RBFOX1: variants seen among roughly 807,000 people sequenced by gnomAD.
The protein encoded by RBFOX1 is RNA binding protein fox-1 homolog 1.
RBFOX1 carries 8 observed loss-of-function variants against 57.7 expected under a neutral mutation model. That is an observed-to-expected ratio of 0.14 (90% CI 0.08 to 0.25). RBFOX1 has a LOEUF of 0.25. RBFOX1 is among the 10% of genes least tolerant of loss of function. The pLI, the probability that RBFOX1 is intolerant of heterozygous loss-of-function variation, is 1.00. For synonymous variants in RBFOX1, 326 were observed against 222.4 expected, an observed-to-expected ratio of 1.47 and a Z score of -4.15; for missense variants, 611 against 548.5, an observed-to-expected ratio of 1.11 and a Z score of -1.14.
At chr16:7,020,399 T>G (rs750194194) in intron 3 of RBFOX1, among the ~76,000 whole-genome samples, 7 of 152,024 alleles carry the variant, frequency 4.6e-5, no homozygotes, top group Admixed American at 2.6e-4. Context: ...TTTTGTAGTT[T>G]TAGTAGAGAT....
At chr16:5,987,382 G>T (rs923108076) in intron 4 of RBFOX1, among the ~76,000 whole-genome samples, 2 of 152,160 alleles carry the variant, frequency 1.3e-5, no homozygotes, top group Admixed American at 6.5e-5. Flanking sequence ...AAGGTTTTTA[G>T]TCTTGATGAA....
Position 6,127,501 on chromosome 16 carries a change from C to G in RBFOX1, c.-127+107509C>G, listed in dbSNP as rs533303770. Among the ~76,000 whole-genome samples, 10 of 152,252 alleles carry G rather than the reference C, an allele frequency of 6.6e-5. No individual in the cohort carries two copies. The South Asian group carries it at 1.9e-3, about 28-fold the overall frequency. On this transcript the variant is annotated intron_variant, in intron 1 of 15. Coordinates refer to ENST00000550418, the MANE Select transcript of RBFOX1 (RefSeq NM_018723.4). ...GATGTGTCTGTGGGCCTTAGAAACA[C>G]GTAGCTTTGAATTCCGAAAGTGAGA...
chr16:7,263,881 C>G (rs1240707748), intron 4 of RBFOX1, among the ~76,000 whole-genome samples: 1 of 132,592 alleles, frequency 7.5e-6, no homozygotes, highest in Non-Finnish European at 1.6e-5. Context: ...GCCTGGGCAA[C>G]AAGAGCAAAA....
intron 2 of RBFOX1, among the ~76,000 whole-genome samples, chr16:5,518,236 A>G (rs903509013): frequency 3.3e-5 from 5 of 152,192 alleles, no homozygotes; most frequent in Admixed American, 2.6e-4. Context: ...ATCACTTCTC[A>G]TAAAGTGCAT....
chr16:5,581,821 C>T (rs1243562147), intron 2 of RBFOX1, among the ~76,000 whole-genome samples: 1 of 151,890 alleles, frequency 6.6e-6, no homozygotes, highest in Non-Finnish European at 1.5e-5. Flanking sequence ...GCAAGGTGGG[C>T]CCAGGTAAGG....
At chr16:5,740,217 G>T (rs921306307) in intron 3 of RBFOX1, among the ~76,000 whole-genome samples, 4 of 152,082 alleles carry the variant, frequency 2.6e-5, no homozygotes, top group Non-Finnish European at 5.9e-5. Flanking sequence ...AGTTGGGGCC[G>T]GTGTTAACAT....
chr16:6,115,459 G>C (rs2096487928), intron 1 of RBFOX1, among the ~76,000 whole-genome samples: 1 of 152,168 alleles, frequency 6.6e-6, no homozygotes, highest in Admixed American at 6.5e-5. Context: ...TGTCTTAACA[G>C]AGTAGCCCTT....
intron 3 of RBFOX1, among the ~76,000 whole-genome samples, chr16:6,964,465 G>C (rs770718552): frequency 1.3e-5 from 2 of 152,116 alleles, no homozygotes; most frequent in Admixed American, 6.6e-5. Flanking sequence ...TGATTGTGAT[G>C]TGTCAGTGTA....
chr16:6,886,111 G>C (rs1252166532), intron 3 of RBFOX1, among the ~76,000 whole-genome samples: 3 of 150,154 alleles, frequency 2.0e-5, no homozygotes, highest in African/African-American at 2.5e-5. Context: ...CACCAGGCTG[G>C]AGTGCAGTGA....
chr16:5,248,553 T>A (rs2062362159), intron 1 of RBFOX1, among the ~76,000 whole-genome samples: 2 of 152,040 alleles, frequency 1.3e-5, no homozygotes, highest in Admixed American at 1.3e-4. Context: ...CCTCTAGACC[T>A]CACCAGCTGA....
At chr16:5,679,123 A>T (rs1303814898) in intron 3 of RBFOX1, among the ~76,000 whole-genome samples, 1 of 152,200 alleles carries the variant, frequency 6.6e-6, no homozygotes, top group Non-Finnish European at 1.5e-5. Flanking sequence ...TGTTCAGCTA[A>T]TTGGCAAAGA....
intron 1 of RBFOX1, among the ~76,000 whole-genome samples, chr16:6,233,110 TAGAG>T (rs2097477813): frequency 6.6e-6 from 1 of 152,030 alleles, no homozygotes; most frequent in South Asian, 2.1e-4. Context: ...CTGGGTGAGA[TAGAG>T]AGAGATGAGG....
At chr16:7,147,342 T>G (rs531495277) in intron 4 of RBFOX1, among the ~76,000 whole-genome samples, 2 of 151,722 alleles carry the variant, frequency 1.3e-5, no homozygotes, top group Non-Finnish European at 2.9e-5. Flanking sequence ...ATTTTAGGTT[T>G]GAGTGGACAT....
At chr16:5,742,633 T>C (rs2052816355) in intron 3 of RBFOX1, among the ~76,000 whole-genome samples, 1 of 152,166 alleles carries the variant, frequency 6.6e-6, no homozygotes, top group Non-Finnish European at 1.5e-5. Flanking sequence ...TAGAAAGCTT[T>C]AGGCAATTAA....
intron 3 of RBFOX1, among the ~76,000 whole-genome samples, chr16:5,824,454 A>G (rs1036848761): frequency 7.2e-5 from 11 of 152,306 alleles, no homozygotes; most frequent in Admixed American, 7.2e-4. Context: ...GTCTCAGAAA[A>G]GCCAGGGCAC....
Position 5,733,818 on chromosome 16 carries a change from C to T in RBFOX1, c.319-133485C>T, listed in dbSNP as rs73523913. 4.7e-3 allele frequency among the ~76,000 whole-genome samples: 712 copies of T among 151,922 alleles called. 6 individuals are homozygous for T. Among genetic ancestry groups the T allele is most frequent in the African/African-American group, 0.016 (643 of 41,420 alleles). On this transcript the variant is annotated intron_variant, in intron 3 of 19. Transcript: ENST00000641259. ...TTCCTTCTCACCTTTCCTTCCCATC[C>T]GCGTCCATGCTGATGCTCTAGTCTT...
chr16:6,655,288 C>G (rs1416863417), intron 3 of RBFOX1, among the ~76,000 whole-genome samples: 2 of 141,204 alleles, frequency 1.4e-5, no homozygotes, highest in Non-Finnish European at 3.0e-5. Flanking sequence ...GCAGGAGAAT[C>G]ACTTGATCCT....
chr16:5,425,708 G>A (rs2151498977), intron 1 of RBFOX1, among the ~76,000 whole-genome samples: 1 of 152,290 alleles, frequency 6.6e-6, no homozygotes, highest in Admixed American at 6.5e-5. Context: ...AGAGTGGCAA[G>A]AGGTCTTTCA....
intron 2 of RBFOX1, among the ~76,000 whole-genome samples, chr16:6,373,230 G>A (rs1401763251): frequency 1.3e-5 from 2 of 150,712 alleles, no homozygotes; most frequent in Non-Finnish European, 2.9e-5. Flanking sequence ...ATAGTTCGTT[G>A]GGATCACTGG....
Sources: gnomAD v4.1 joint callset for allele counts (sites outside exome capture counted in the v4.1 genomes callset) on GRCh38, gnomAD v4.1.1 for gene constraint, MANE v1.5 for transcripts, NCBI Gene and HGNC (gene_info 2026-07-23, HGNC 2026-07-21) for gene names.